Variants in KCNN2 observed in about 807,000 individuals in gnomAD.
The protein encoded by KCNN2 is small conductance calcium-activated potassium channel protein 2.
Under a neutral mutation model 55.5 loss-of-function variants are expected in KCNN2, and 24 were observed. The ratio of observed to expected loss-of-function variants is 0.43; its 90% confidence interval spans 0.31 to 0.61. The LOEUF (loss-of-function observed/expected upper bound fraction) is 0.61, where lower values mean the gene tolerates loss of function less well. KCNN2 is among the 20% of genes least tolerant of loss of function. KCNN2 has a pLI of 0.08. For missense variants in KCNN2, 754 were observed against 853.6 expected, an observed-to-expected ratio of 0.88 and a Z score of 1.45; for synonymous variants, 431 against 336.1, an observed-to-expected ratio of 1.28 and a Z score of -3.09.
chr5:114,093,366 C>T (rs180739540), intron 1 of KCNN2, among the ~76,000 whole-genome samples: 1 of 152,180 alleles, frequency 6.6e-6, no homozygotes, highest in Non-Finnish European at 1.5e-5. Context: ...TAGGAAGCTC[C>T]AAACTTTCCC....
At chr5:114,473,602 C>G (rs2150125011) in intron 5 of KCNN2, among the ~76,000 whole-genome samples, 1 of 152,196 alleles carries the variant, frequency 6.6e-6, no homozygotes, top group South Asian at 2.1e-4. Flanking sequence ...TTTAGAAGCC[C>G]AAGATAGGGC....
intron 2 of KCNN2, among the ~76,000 whole-genome samples, chr5:114,263,105 T>C (rs1755141199): frequency 6.6e-6 from 1 of 152,264 alleles, no homozygotes; most frequent in Non-Finnish European, 1.5e-5. Context: ...ACCCCACCTT[T>C]CACTCTTGTT....
At chr5:114,313,777 G>A (rs556345417) in intron 2 of KCNN2, among the ~76,000 whole-genome samples, 1 of 152,138 alleles carries the variant, frequency 6.6e-6, no homozygotes, top group South Asian at 2.1e-4. Context: ...CAGCTAAGTG[G>A]TTCTCTCCTA....
At position 114,157,829 on chromosome 5, in the gene KCNN2, C is replaced by T. The variant is rs1173915814; in HGVS notation, c.-270-63651C>T. Among the ~76,000 whole-genome samples the T allele has an allele frequency of 2.0e-5, 3 of 149,392 alleles. No homozygotes were observed. In the East Asian group the frequency reaches 5.9e-4, roughly 29 times the overall value. ...CTTTTGAGAAGTGTCTGTTCATTTC[C>T]TTTGCCCACTTTTTGATGGGGTTTT... On this transcript the variant is annotated intron_variant, in intron 1 of 10. Transcript: ENST00000512097.
chr5:114,098,162 A>T lies in KCNN2; in HGVS notation c.-271+41662A>T, dbSNP rs532286980. Among the ~76,000 whole-genome samples the T allele has an allele frequency of 3.3e-5, 5 of 152,034 alleles. No individual in the cohort carries two copies. The South Asian group carries it at 1.0e-3, about 32-fold the overall frequency. On this transcript the variant is annotated intron_variant, in intron 1 of 10. Transcript: ENST00000512097. ...CTTCTTCTCTGTCTGACTTTCCTAC[A>T]TCCCTCTTTTAAGGACCCTTGTGAT...
At chr5:114,188,720 C>A (rs1753387939) in intron 1 of KCNN2, among the ~76,000 whole-genome samples, 2 of 123,672 alleles carry the variant, frequency 1.6e-5, no homozygotes, top group Non-Finnish European at 3.7e-5. Context: ...ATAATAGTGC[C>A]AAAACTATAA....
chr5:114,349,919 ATC>A (rs1757177247), intron 2 of KCNN2, among the ~76,000 whole-genome samples: 2 of 151,948 alleles, frequency 1.3e-5, no homozygotes, highest in African/African-American at 4.8e-5. Context: ...ACTTGCTATT[ATC>A]TGTCTTTTTA....
At position 114,265,344 on chromosome 5, in the gene KCNN2, TGTGTGTGTGTGTG is replaced by T. The variant is rs746536180; in HGVS notation, c.-185+43780_-185+43792del. 6.6e-3 allele frequency among the ~76,000 whole-genome samples: 1,003 copies of T among 151,194 alleles called. 14 individuals are homozygous for T. The highest frequency in any genetic ancestry group is 0.022 in the African/African-American group (910 of 41,106). ...GAGGAGGTGTGTGTGTGTGTGTGTG[TGTGTGTGTGTGTG>T]TGTGTGTGCATAAAGAGATTTATTA... On this transcript the variant is annotated intron_variant, in intron 2 of 10. Coordinates refer to the KCNN2 transcript ENST00000512097.
At chr5:114,361,827 A>T (rs1231009689), upstream of KCNN2, 3 of 152,714 alleles carry the variant, frequency 2.0e-5, no homozygotes, top group Admixed American at 6.5e-5. Flanking sequence ...CAGCAGGCGG[A>T]ATCCCTGCCC....
chr5:114,293,017 CTTGT>C (rs1755928899), intron 2 of KCNN2, among the ~76,000 whole-genome samples: 1 of 152,126 alleles, frequency 6.6e-6, no homozygotes, highest in Non-Finnish European at 1.5e-5. Context: ...CATAAGAATG[CTTGT>C]AATTTTTGCA....
chr5:114,189,798 C>T (rs1753413956), intron 1 of KCNN2, among the ~76,000 whole-genome samples: 1 of 152,066 alleles, frequency 6.6e-6, no homozygotes, highest in Non-Finnish European at 1.5e-5. Context: ...GATACGCACA[C>T]ATACATGGGA....
At chr5:114,316,458 T>C (rs1756505422) in intron 2 of KCNN2, among the ~76,000 whole-genome samples, 1 of 152,126 alleles carries the variant, frequency 6.6e-6, no homozygotes, top group African/African-American at 2.4e-5. Flanking sequence ...GATACCAACG[T>C]GTAGGCTCAA....
At chr5:114,096,650 G>C (rs2632117) in intron 1 of KCNN2, among the ~76,000 whole-genome samples, 4,041 of 152,102 alleles carry the variant, frequency 0.027, 186 homozygotes, top group African/African-American at 0.091. Context: ...TCTCTCCCTC[G>C]TGGTACTCCT....
At chr5:114,341,390 G>A (rs1456860460) in intron 2 of KCNN2, among the ~76,000 whole-genome samples, 1 of 152,250 alleles carries the variant, frequency 6.6e-6, no homozygotes, top group East Asian at 1.9e-4. Flanking sequence ...GTTTGTAGGA[G>A]CTAGAAATGA....
At chr5:114,119,679 T>G (rs1454486884) in intron 1 of KCNN2, among the ~76,000 whole-genome samples, 4 of 152,158 alleles carry the variant, frequency 2.6e-5, no homozygotes, top group Non-Finnish European at 5.9e-5. Flanking sequence ...CTGTTTAAGA[T>G]CCACGTGTTC....
intron 1 of KCNN2, among the ~76,000 whole-genome samples, chr5:114,142,046 A>G (rs1752293412): frequency 1.3e-5 from 2 of 152,098 alleles, no homozygotes; most frequent in South Asian, 4.1e-4. Context: ...TTGTCAGATG[A>G]GTAGATTGCA....
chr5:114,093,780 C>G (rs1751197398), intron 1 of KCNN2, among the ~76,000 whole-genome samples: 1 of 152,164 alleles, frequency 6.6e-6, no homozygotes, highest in Admixed American at 6.5e-5. Flanking sequence ...TGGAAAACCA[C>G]CCCCATGATC....
At chr5:114,151,677 G>C (rs927001645) in intron 1 of KCNN2, among the ~76,000 whole-genome samples, 3 of 152,082 alleles carry the variant, frequency 2.0e-5, no homozygotes, top group Non-Finnish European at 4.4e-5. Context: ...ACTAGTGAAA[G>C]AGCTTTTCTA....
rs114396075 is a variant in KCNN2, at chr5:114,376,153, A to G, written c.1218+12152A>G. ...ATCCAGCCCACTCACTGTCATGTTC[A>G]CTGTCTCAGTCTGATGCTGTGTGTA... On this transcript the variant is annotated intron_variant, in intron 2 of 7. Transcript: ENST00000673685. Among the ~76,000 whole-genome samples the G allele has an allele frequency of 2.3e-3, 346 of 151,984 alleles. 1 individual carries two copies. Among genetic ancestry groups the G allele is most frequent in the Middle Eastern group, 6.8e-3 (2 of 294 alleles).
Sources: allele counts gnomAD v4.1 joint callset (sites outside exome capture counted in the v4.1 genomes callset), GRCh38; gene constraint gnomAD v4.1.1; transcripts MANE v1.5; gene names NCBI Gene and HGNC (gene_info 2026-07-23, HGNC 2026-07-21).